The following ERGIC3 variants were observed in gnomAD, a reference collection of about 807,000 sequenced individuals.
ERGIC3 encodes endoplasmic reticulum-Golgi intermediate compartment protein 3.
A neutral mutation model predicts 54.7 loss-of-function variants in ERGIC3; 33 were observed. That is an observed-to-expected ratio of 0.60 (90% CI 0.46 to 0.81). The LOEUF is 0.81. Among genes scored for constraint, ERGIC3 ranks in the 30% least tolerant of loss-of-function variants. The pLI is 0.00. For synonymous variants in ERGIC3, 186 were observed against 189.8 expected (o/e 0.98, Z 0.16); for missense variants, 399 against 488.4 (o/e 0.82, Z 1.73).
chr20:35,544,805 C>CTTTTCT (rs2064638882), intron 4 of ERGIC3: 1 of 75,660 alleles, frequency 1.3e-5, no homozygotes. Flanking sequence ...CGGGGATCTA[C>CTTTTCT]TTTTTTTTTT....
chr20:35,547,876 A>G (rs224415), intron 5 of ERGIC3, among the ~76,000 whole-genome samples: 98,573 of 151,970 alleles, frequency 0.65, 33,605 homozygotes, highest in East Asian at 0.78. Flanking sequence ...GATTAGCTGT[A>G]TACTGTGTGT....
At chr20:35,554,418 C>A (rs763380930) in intron 7 of ERGIC3, 1 of 1,613,654 alleles carries the variant, frequency 6.2e-7, no homozygotes, top group Admixed American at 1.7e-5. Context: ...GAGGCCAAAC[C>A]CCTACTTCTG....
At chr20:35,544,117 C>T (rs1046727839) in intron 4 of ERGIC3, 2 of 190,666 alleles carry the variant, frequency 1.0e-5, no homozygotes, top group East Asian at 3.0e-4. Context: ...TGCAGTGGCG[C>T]GATCTTGGCT....
intron 5 of ERGIC3, 27 bp from the exon 6 acceptor site, chr20:35,548,482 C>T: frequency 6.2e-7 from 1 of 1,611,132 alleles, no homozygotes; most frequent in Non-Finnish European, 8.5e-7. Context: ...CTCTTTAACA[C>T]TCTCACCGTC....
intron 7 of ERGIC3, chr20:35,549,244 A>G (rs2064668975): frequency 2.1e-6 from 1 of 472,704 alleles, no homozygotes; most frequent in Admixed American, 2.3e-5. Context: ...CCCGTGTCCG[A>G]TGATGACCTG....
In ERGIC3 at chr20:35,545,839, T is replaced by C. The variant is rs1425259518; in HGVS notation, c.368-1573T>C. ...GTTCCTATTTTATACTCTGGTGATA[T>C]TAAGAGGCAATTAGATGTACCAGTC... On this transcript the variant is annotated intron_variant, in intron 4 of 12. Coordinates refer to ENST00000348547, the MANE Select transcript of ERGIC3 (RefSeq NM_015966.3). Among the ~76,000 whole-genome samples, 10 of 152,310 alleles carry C rather than the reference T, an allele frequency of 6.6e-5. No homozygotes were observed. In the South Asian group the frequency reaches 1.9e-3, roughly 28 times the overall value.
At chr20:35,544,695 C>A in intron 4 of ERGIC3, 1 of 172,762 alleles carries the variant, frequency 5.8e-6, no homozygotes, top group South Asian at 1.2e-4. Flanking sequence ...TGTTCTTGGT[C>A]ATCTTGTGGC....
chr20:35,547,510 G>T lies in ERGIC3; in HGVS notation c.461+5G>T. On this transcript the variant is annotated splice_donor_5th_base_variant and intron_variant, in intron 5 of 12. Transcript: ENST00000348547. ...TGCTGAGGCAGAAGATATCAAGTGA[G>T]CTGGCGGGGAGCGGGAGCAGGGTTC... 6.2e-7 allele frequency: 1 copy of T among 1,613,742 alleles called. No individual in the cohort carries two copies. The highest frequency in any genetic ancestry group is 8.5e-7 in the Non-Finnish European group (1 of 1,179,748).
intron 7 of ERGIC3, chr20:35,554,261 T>C: frequency 7.1e-7 from 1 of 1,405,442 alleles, no homozygotes; most frequent in East Asian, 2.3e-5. Flanking sequence ...CCAGACTGTG[T>C]TGCTGAGGCT....
rs891459649 is a variant in ERGIC3, at chr20:35,556,934, C to T, written c.880-39C>T. ...GGCTGATGGTGGCTGGAGCCAGGTC[C>T]TAGCCCTAGCCCTGGCCCAGGCTCC... On this transcript the variant is annotated intron_variant, in intron 10 of 12. Coordinates refer to ENST00000348547, the MANE Select transcript of ERGIC3 (RefSeq NM_015966.3). 1.9e-6 allele frequency: 3 copies of T among 1,612,938 alleles called. No homozygotes were observed. In the African/African-American group the frequency reaches 4.0e-5, roughly 22 times the overall value.
At chr20:35,555,191 C>A (rs1031553170) in intron 8 of ERGIC3, 116 bp downstream of exon 8, 2 of 1,203,686 alleles carry the variant, frequency 1.7e-6, no homozygotes, top group African/African-American at 1.5e-5. Flanking sequence ...AAATACACCA[C>A]GTTCTGAATG....
At chr20:35,551,806 G>A (rs1323332605) in intron 7 of ERGIC3, among the ~76,000 whole-genome samples, 14 of 152,220 alleles carry the variant, frequency 9.2e-5, no homozygotes, top group Non-Finnish European at 2.1e-4. Flanking sequence ...CCTTGACTGA[G>A]TCATTTAAGG....
Position 35,547,414 on chromosome 20 carries a change from C to G in ERGIC3, c.370C>G (p.Leu124Val), listed in dbSNP as rs200450712. The G allele has an allele frequency of 1.6e-4, 255 of 1,614,048 alleles. No homozygotes were observed. The highest frequency in any genetic ancestry group is 2.1e-4 in the Non-Finnish European group (244 of 1,179,930). The change falls in exon 5 of 13, where the codon CTT becomes GTT. Residue 124 changes from leucine (L) to valine (V), a missense_variant and splice_region_variant. Coordinates refer to ENST00000348547, the MANE Select transcript of ERGIC3 (RefSeq NM_015966.3). ...CTCTGCTTCTCCCCTCCCCTTAGAG[C>G]TTGGGAAAGTCGAGGTGACGGTGTT... is the stretch of plus-strand genomic sequence containing the variant. The part of the protein sequence containing the change: ...PVSSEAERHE[L>V]GKVEVTVFDP...
intron 5 of ERGIC3, among the ~76,000 whole-genome samples, chr20:35,547,834 ATAATAACATCTTCTCG>A (rs1423310650): frequency 6.6e-6 from 1 of 152,170 alleles, no homozygotes; most frequent in African/African-American, 2.4e-5. Flanking sequence ...AAGAGGGATG[ATAATAACATCTTCTCG>A]TAAGAGTCAC....
intron 7 of ERGIC3, among the ~76,000 whole-genome samples, chr20:35,552,069 GAGA>G (rs1189978715): frequency 7.9e-5 from 12 of 152,326 alleles, no homozygotes; most frequent in Middle Eastern, 3.4e-3. Flanking sequence ...TGAAGTCCTG[GAGA>G]AGGAGAAAGA....
intron 2 of ERGIC3, 34 bp from the exon 3 acceptor site, chr20:35,542,479 G>A (rs997415971): frequency 2.5e-6 from 4 of 1,613,766 alleles, no homozygotes; most frequent in Non-Finnish European, 2.5e-6. Flanking sequence ...GGAGAGGTTT[G>A]GGGCTAAGTC....
chr20:35,556,794 G>A (rs1399498430), intron 10 of ERGIC3, 179 bp from the exon 11 acceptor site: 2 of 796,638 alleles, frequency 2.5e-6, no homozygotes, highest in African/African-American at 1.7e-5. Flanking sequence ...CTGAGGCCAA[G>A]ACTAGGAGAG....
rs1241976264 is a variant in ERGIC3, at chr20:35,557,609, A to AAATCT, written c.*107_*111dup. ...CGGTCAGCCCCAGCCCCAGGTTGAT[A>AAATCT]AATCTATTGATTGATTGTGATAGTA... On this transcript the variant is annotated 3_prime_UTR_variant, in exon 13 of 13. Coordinates refer to ENST00000348547, the MANE Select transcript of ERGIC3 (RefSeq NM_015966.3). 3.2e-6 allele frequency: 3 copies of AAATCT among 924,558 alleles called. No individual in the cohort carries two copies. Among genetic ancestry groups the AAATCT allele is most frequent in the Admixed American group, 1.9e-5 (1 of 52,558 alleles). 57.3% of individuals were successfully genotyped at this position (924,558 alleles called of 1,614,324 possible).
At chr20:35,543,257 G>C in intron 4 of ERGIC3, 1 of 354,908 alleles carries the variant, frequency 2.8e-6, no homozygotes, top group African/African-American at 2.1e-5. Flanking sequence ...GATGGACCCA[G>C]GCTTCTTTGA....
Sources: gnomAD v4.1 joint callset for allele counts (sites outside exome capture counted in the v4.1 genomes callset) on GRCh38, gnomAD v4.1.1 for gene constraint, MANE v1.5 for transcripts, NCBI Gene and HGNC (gene_info 2026-07-23, HGNC 2026-07-21) for gene names.